SYNPR: variants seen among roughly 807,000 people sequenced by gnomAD.
SYNPR encodes synaptoporin.
Under a neutral mutation model 32.9 loss-of-function variants are expected in SYNPR, and 23 were observed. The observed-to-expected ratio is 0.70, with a 90% CI of 0.50 to 0.99. The LOEUF is 0.99. Among genes scored for constraint, SYNPR ranks in the 50% least tolerant of loss-of-function variants. SYNPR has a pLI of 0.00. For missense variants in SYNPR, 318 were observed against 349.3 expected, an observed-to-expected ratio of 0.91 and a Z score of 0.71; for synonymous variants, 146 against 135.9, an observed-to-expected ratio of 1.07 and a Z score of -0.52.
chr3:63,221,536 T>C, the SYNPR span, among the ~76,000 whole-genome samples: 328 of 152,214 alleles, frequency 2.2e-3, 5 homozygotes, highest in African/African-American at 7.4e-3. Flanking sequence ...CAGCAAAGAA[T>C]AGAAAGCGTA....
intron 4 of SYNPR, among the ~76,000 whole-genome samples, chr3:63,584,635 C>T (rs1703151108): frequency 6.6e-6 from 1 of 151,908 alleles, no homozygotes; most frequent in Non-Finnish European, 1.5e-5. Flanking sequence ...GAAATCGGGT[C>T]CGTGGGTAAT....
intron 2 of SYNPR, among the ~76,000 whole-genome samples, chr3:63,260,970 C>G (rs1427037280): frequency 6.6e-6 from 1 of 152,074 alleles, no homozygotes; most frequent in South Asian, 2.1e-4. Context: ...AAAAAATGCT[C>G]ATCATCACTG....
At chr3:63,407,461 C>G (rs1162214253) in intron 2 of SYNPR, among the ~76,000 whole-genome samples, 1 of 152,184 alleles carries the variant, frequency 6.6e-6, no homozygotes, top group Non-Finnish European at 1.5e-5. Context: ...TTTCACATTT[C>G]TCTCTTGACT....
At chr3:63,571,426 C>T (rs184295451) in intron 4 of SYNPR, among the ~76,000 whole-genome samples, 206 of 152,218 alleles carry the variant, frequency 1.4e-3, no homozygotes, top group Non-Finnish European at 2.0e-3. Context: ...ACTTCCAAAA[C>T]ATCCTTTCAG....
At chr3:63,543,213 A>C (rs901363406) in intron 3 of SYNPR, among the ~76,000 whole-genome samples, 5 of 152,150 alleles carry the variant, frequency 3.3e-5, no homozygotes, top group Admixed American at 1.3e-4. Context: ...GTTATCATGA[A>C]AATAATTTTG....
intron 3 of SYNPR, among the ~76,000 whole-genome samples, chr3:63,520,792 C>G (rs570463938): frequency 6.6e-6 from 1 of 152,288 alleles, no homozygotes; most frequent in East Asian, 1.9e-4. Flanking sequence ...TGTCTGACAG[C>G]AAAGCCATGA....
At chr3:63,222,016 T>TTTTTTTTTTTTTTTTTTTTTG in the SYNPR span, among the ~76,000 whole-genome samples, 2 of 130,424 alleles carry the variant, frequency 1.5e-5, 1 homozygote. Context: ...GCTCAATTTT[T>TTTTTTTTTTTTTTTTTTTTTG]TTTTTTTTTT....
At chr3:63,593,265 G>A (rs528991094) in intron 4 of SYNPR, among the ~76,000 whole-genome samples, 1 of 152,188 alleles carries the variant, frequency 6.6e-6, no homozygotes, top group South Asian at 2.1e-4. Context: ...TTCTTTGAAA[G>A]GTCTGTGCTA....
At chr3:63,265,009 G>A (rs1416987864) in intron 2 of SYNPR, among the ~76,000 whole-genome samples, 1 of 151,926 alleles carries the variant, frequency 6.6e-6, no homozygotes, top group African/African-American at 2.4e-5. Flanking sequence ...GATTTAGGTG[G>A]GGACACAGCC....
intron 4 of SYNPR, among the ~76,000 whole-genome samples, chr3:63,583,879 G>A (rs559004727): frequency 6.6e-6 from 1 of 152,184 alleles, no homozygotes; most frequent in South Asian, 2.1e-4. Flanking sequence ...GAGATAATAA[G>A]TAAAAGAATC....
chr3:63,479,352 A>T (rs1031165733), intron 2 of SYNPR, among the ~76,000 whole-genome samples: 2 of 151,964 alleles, frequency 1.3e-5, no homozygotes, highest in African/African-American at 4.8e-5. Flanking sequence ...AACACATTTT[A>T]CTCTTACTAC....
intron 2 of SYNPR, among the ~76,000 whole-genome samples, chr3:63,320,874 A>G (rs975640874): frequency 6.6e-6 from 1 of 152,092 alleles, no homozygotes; most frequent in African/African-American, 2.4e-5. Context: ...TACACTACTC[A>G]GTTTTTCAGA....
intron 4 of SYNPR, among the ~76,000 whole-genome samples, chr3:63,595,751 A>AGTTT (rs1404878483): frequency 4.6e-5 from 2 of 43,388 alleles, no homozygotes; most frequent in African/African-American, 2.6e-4. Flanking sequence ...ATATATATAT[A>AGTTT]TATATATATA....
chr3:63,515,587 A>G (rs537223435), intron 3 of SYNPR, among the ~76,000 whole-genome samples: 37 of 152,136 alleles, frequency 2.4e-4, no homozygotes, highest in Non-Finnish European at 1.6e-4. Flanking sequence ...TTGCCTGCTA[A>G]TGGAAATTGG....
Position 63,482,258 on chromosome 3 carries a change from T to C in SYNPR, c.209+1302T>C, listed in dbSNP as rs1226104326. Reference sequence around the variant, plus strand: ...AATGATTGGCCCAGTGAAAGGCAACTAGAGAAATTAGATCAAAATGTATTG... The same window carrying C: ...AATGATTGGCCCAGTGAAAGGCAACCAGAGAAATTAGATCAAAATGTATTG... On this transcript the variant is annotated intron_variant, in intron 3 of 5. Transcript: ENST00000478300. 3.9e-5 allele frequency among the ~76,000 whole-genome samples: 6 copies of C among 152,210 alleles called. No homozygotes were observed. The South Asian group carries it at 6.2e-4, about 16-fold the overall frequency.
the SYNPR span, among the ~76,000 whole-genome samples, chr3:63,223,166 A>G: frequency 6.6e-6 from 1 of 151,922 alleles, no homozygotes; most frequent in Admixed American, 6.6e-5. Flanking sequence ...ACTCCATTTC[A>G]TTGGCAGAAT....
At chr3:63,258,942 C>A (rs1340100896) in intron 2 of SYNPR, among the ~76,000 whole-genome samples, 1 of 152,184 alleles carries the variant, frequency 6.6e-6, no homozygotes, top group Non-Finnish European at 1.5e-5. Flanking sequence ...ATACTATAAA[C>A]ACCTCTATGC....
intron 3 of SYNPR, among the ~76,000 whole-genome samples, chr3:63,515,204 A>G (rs573473700): frequency 6.6e-6 from 1 of 152,190 alleles, no homozygotes; most frequent in East Asian, 1.9e-4. Flanking sequence ...CCTTCAAAAC[A>G]TCTGCGAGCT....
intron 3 of SYNPR, among the ~76,000 whole-genome samples, chr3:63,542,874 A>G (rs1702332278): frequency 6.6e-6 from 1 of 152,112 alleles, no homozygotes; most frequent in African/African-American, 2.4e-5. Context: ...CTGAATTACC[A>G]AAAGTGGGCA....
Sources: allele counts gnomAD v4.1 joint callset (sites outside exome capture counted in the v4.1 genomes callset), GRCh38; gene constraint gnomAD v4.1.1; transcripts MANE v1.5; gene names NCBI Gene and HGNC (gene_info 2026-07-23, HGNC 2026-07-21).